CAPS2: variants seen among roughly 807,000 people sequenced by gnomAD.
CAPS2 encodes the protein calcyphosin-2.
Under a neutral mutation model 86.5 loss-of-function variants are expected in CAPS2, and 98 were observed. That is an observed-to-expected ratio of 1.13 (90% CI 0.96 to 1.34). CAPS2 has a LOEUF of 1.34. Among genes scored for constraint, CAPS2 ranks in the 40% most tolerant of loss-of-function variants. The pLI, the probability that CAPS2 is intolerant of heterozygous loss-of-function variation, is 0.00. For missense variants in CAPS2, 729 were observed against 686.8 expected (o/e 1.06, Z -0.69); for synonymous variants, 210 against 225.1 (o/e 0.93, Z 0.60).
At chr12:75,387,312 C>G (rs1185531035) in intron 1 of CAPS2, among the ~76,000 whole-genome samples, 1 of 152,112 alleles carries the variant, frequency 6.6e-6, no homozygotes, top group African/African-American at 2.4e-5. Context: ...TGAAAAGGTG[C>G]ATCATATGTC....
chr12:75,373,630 G>T (rs185283768), intron 1 of CAPS2: 1 of 152,244 alleles, frequency 6.6e-6, no homozygotes, highest in Non-Finnish European at 1.5e-5. Flanking sequence ...CAAGAAAGGG[G>T]CTATGGTGCT....
chr12:75,332,610 A>G (rs888736128), upstream of CAPS2, among the ~76,000 whole-genome samples: 1 of 152,168 alleles, frequency 6.6e-6, no homozygotes, highest in East Asian at 1.9e-4. Flanking sequence ...CAATTAAAAT[A>G]TAGTTTCTGC....
chr12:75,323,737 C>T (rs964477335), intron 2 of CAPS2, among the ~76,000 whole-genome samples: 1 of 151,984 alleles, frequency 6.6e-6, no homozygotes, highest in African/African-American at 2.4e-5. Context: ...GAGTGAAACT[C>T]TGTCTCAAAA....
chr12:75,318,692 A>G (rs2040016003), intron 5 of CAPS2, among the ~76,000 whole-genome samples: 1 of 152,092 alleles, frequency 6.6e-6, no homozygotes, highest in Non-Finnish European at 1.5e-5. Context: ...ACTTTCCTAG[A>G]TCCCTTCTAT....
chr12:75,299,946 A>C, intron 8 of CAPS2, 35 bp from the exon 9 acceptor site: 1 of 869,756 alleles, frequency 1.1e-6, no homozygotes, highest in Non-Finnish European at 1.7e-6. Context: ...TAATTTTTCA[A>C]GATACCTATA....
At chr12:75,289,566 A>G (rs1194227337) in intron 14 of CAPS2, 55 bp downstream of exon 14, 16 of 1,477,916 alleles carry the variant, frequency 1.1e-5, no homozygotes, top group Non-Finnish European at 1.5e-5. Flanking sequence ...ACAGTGAATA[A>G]TGCCACCTAA....
At chr12:75,278,197 C>A in exon 17 of CAPS2, 1 of 979,172 alleles carries the variant, frequency 1.0e-6, no homozygotes, top group Non-Finnish European at 1.2e-6. Flanking sequence ...ACAAATACAA[C>A]TGGGCATTAG....
intron 1 of CAPS2, among the ~76,000 whole-genome samples, chr12:75,362,292 A>G (rs866869677): frequency 1.3e-5 from 2 of 152,202 alleles, no homozygotes; most frequent in Middle Eastern, 3.2e-3. Flanking sequence ...AAAAATACAA[A>G]TTAAGGTCAC....
chr12:75,361,896 T>C (rs979080428), intron 1 of CAPS2, among the ~76,000 whole-genome samples: 5 of 152,114 alleles, frequency 3.3e-5, no homozygotes, highest in Non-Finnish European at 5.9e-5. Context: ...ACCATATCAA[T>C]AGACCTAAAT....
At chr12:75,352,933 T>A (rs2042908177) in intron 1 of CAPS2, among the ~76,000 whole-genome samples, 1 of 152,178 alleles carries the variant, frequency 6.6e-6, no homozygotes, top group Admixed American at 6.5e-5. Context: ...AATCAAGAAG[T>A]CCTTAGAAAC....
chr12:75,352,562 T>C (rs2042885190), intron 1 of CAPS2, among the ~76,000 whole-genome samples: 1 of 152,170 alleles, frequency 6.6e-6, no homozygotes. Flanking sequence ...TGGAAGATTT[T>C]AACACCCCAC....
chr12:75,331,260 A>G (rs1419604081), upstream of CAPS2, among the ~76,000 whole-genome samples: 1 of 152,226 alleles, frequency 6.6e-6, no homozygotes, highest in Non-Finnish European at 1.5e-5. Context: ...AGTTTATGAA[A>G]GTTAATCCAG....
In CAPS2 at chr12:75,321,585, A is replaced by G. The variant is rs1461261725; in HGVS notation, c.292-9T>C. 1.3e-6 allele frequency: 2 copies of G among 1,526,196 alleles called. No individual in the cohort carries two copies. Among genetic ancestry groups the G allele is most frequent in the Admixed American group, 4.3e-5 (2 of 46,828 alleles). 94.5% of individuals were successfully genotyped at this position (1,526,196 alleles called of 1,614,324 possible). A position where few individuals can be genotyped will look rare whatever the true frequency, so the allele number is the denominator to read the frequency against. ...GGTATTATGTTCTGATCCTATAGGTAAAAAGAAAAAAGCATGCTATCAGAA... is the reference window on the plus strand; with the variant it reads ...GGTATTATGTTCTGATCCTATAGGTGAAAAGAAAAAAGCATGCTATCAGAA... On this transcript the variant is annotated splice_polypyrimidine_tract_variant and intron_variant, in intron 4 of 16. Coordinates refer to ENST00000393284, the Ensembl canonical transcript of CAPS2.
At chr12:75,369,618 A>T in intron 1 of CAPS2, 2 of 984,924 alleles carry the variant, frequency 2.0e-6, no homozygotes, top group Non-Finnish European at 2.4e-6. Flanking sequence ...TGCATACAAA[A>T]AATTCAACAT....
At chr12:75,321,633 A>G (rs2040311299) in intron 4 of CAPS2, 57 bp from the exon 5 acceptor site, 17 of 1,282,864 alleles carry the variant, frequency 1.3e-5, no homozygotes, top group Non-Finnish European at 1.9e-5. Flanking sequence ...AATTTTCCTT[A>G]TTGGCATTAA....
At chr12:75,343,919 T>C in intron 1 of CAPS2, 1 of 1,610,308 alleles carries the variant, frequency 6.2e-7, no homozygotes, top group Non-Finnish European at 8.5e-7. Context: ...TGCTCCAGAG[T>C]CTGTGGCCAT....
chr12:75,302,375 C>T (rs2037926426), intron 8 of CAPS2, among the ~76,000 whole-genome samples: 1 of 152,196 alleles, frequency 6.6e-6, no homozygotes, highest in African/African-American at 2.4e-5. Flanking sequence ...ACCAACCATG[C>T]ATTTGGCATG....
intron 1 of CAPS2, among the ~76,000 whole-genome samples, chr12:75,358,187 A>T (rs2043282336): frequency 6.6e-6 from 1 of 151,682 alleles, no homozygotes; most frequent in Non-Finnish European, 1.5e-5. Context: ...AAATAAGAAA[A>T]TAATAATAAC....
chr12:75,298,481 A>T, intron 11 of CAPS2: 1 of 511,432 alleles, frequency 2.0e-6, no homozygotes, highest in Admixed American at 3.2e-5. Flanking sequence ...AAAATAAATG[A>T]TATGCTTGGA....
Sources: gnomAD v4.1 joint callset for allele counts (sites outside exome capture counted in the v4.1 genomes callset) on GRCh38, gnomAD v4.1.1 for gene constraint, MANE v1.5 for transcripts, NCBI Gene and HGNC (gene_info 2026-07-23, HGNC 2026-07-21) for gene names.